Variants in MYOM2 observed in about 807,000 individuals in gnomAD.
MYOM2 encodes the protein myomesin-2.
Under a neutral mutation model 187.6 loss-of-function variants are expected in MYOM2, and 254 were observed. The observed-to-expected ratio is 1.35, with a 90% confidence interval of 1.22 to 1.50. The LOEUF is 1.50. MYOM2 is among the 40% of genes most tolerant of loss of function. The pLI is 0.00. For synonymous variants in MYOM2, 981 were observed against 753.8 expected (o/e 1.30, Z -4.94); for missense variants, 2,796 against 1,924.0 (o/e 1.45, Z -8.48).
At chr8:2,128,977 A>G (rs1459859063) in intron 31 of MYOM2, 150 bp from the exon 32 acceptor site, 4 of 570,220 alleles carry the variant, frequency 7.0e-6, no homozygotes, top group South Asian at 4.5e-5. Flanking sequence ...GGAATAAAGT[A>G]TAAGAATTTG....
intron 3 of MYOM2, among the ~76,000 whole-genome samples, chr8:2,056,879 C>T (rs945847448): frequency 6.6e-6 from 1 of 152,180 alleles, no homozygotes; most frequent in African/African-American, 2.4e-5. Flanking sequence ...CCGAGTTGCC[C>T]TGTCTTTACT....
chr8:2,085,569 C>CCA lies in MYOM2; in HGVS notation c.1644+180_1644+181insAC, dbSNP rs1166249438. Among the ~76,000 whole-genome samples, 8 of 25,822 alleles carry CCA rather than the reference C, an allele frequency of 3.1e-4. 3 individuals are homozygous for CCA. Among genetic ancestry groups the CCA allele is most frequent in the Non-Finnish European group, 4.4e-4 (7 of 15,872 alleles). The allele number at this position is 25,822 out of a possible 152,430, so 16.9% of individuals were successfully genotyped here. A position where few individuals can be genotyped will look rare whatever the true frequency, so the allele number is the denominator to read the frequency against. ...CCCACTGTCATGATCTCTGCGTGGC[C>CCA]CCACTGTTGTGATCTCTGCGTGGCC... On this transcript the variant is annotated intron_variant, in intron 14 of 36. Coordinates refer to ENST00000262113, the MANE Select transcript of MYOM2 (RefSeq NM_003970.4).
intron 19 of MYOM2, among the ~76,000 whole-genome samples, chr8:2,099,341 C>G (rs1180439409): frequency 2.0e-5 from 3 of 152,164 alleles, no homozygotes; most frequent in Non-Finnish European, 1.5e-5. Context: ...AAGGAGCAGG[C>G]AGAGAGGGTC....
chr8:2,072,776 C>G (rs1563431172), intron 9 of MYOM2, among the ~76,000 whole-genome samples: 1 of 152,178 alleles, frequency 6.6e-6, no homozygotes, highest in Admixed American at 6.5e-5. Context: ...TGATCTCGTG[C>G]CATTTAGATT....
intron 32 of MYOM2, among the ~76,000 whole-genome samples, chr8:2,138,161 C>T (rs1798146233): frequency 6.6e-6 from 1 of 152,206 alleles, no homozygotes; most frequent in Non-Finnish European, 1.5e-5. Flanking sequence ...GCTCACCTGC[C>T]CTCAGACACA....
chr8:2,117,315 G>A (rs538096218), intron 27 of MYOM2, among the ~76,000 whole-genome samples: 1 of 152,130 alleles, frequency 6.6e-6, no homozygotes, highest in Non-Finnish European at 1.5e-5. Flanking sequence ...AATGGCAAAA[G>A]GGTATTAGTG....
chr8:2,096,544 G>C (rs1796493467), intron 18 of MYOM2, 110 bp downstream of exon 18: 1 of 1,010,934 alleles, frequency 9.9e-7, no homozygotes, highest in Non-Finnish European at 1.4e-6. Context: ...ACACAAAAAT[G>C]GATTAAAAAA....
chr8:2,137,195 C>G (rs1798108439), intron 32 of MYOM2, among the ~76,000 whole-genome samples: 3 of 151,598 alleles, frequency 2.0e-5, no homozygotes, highest in Admixed American at 2.0e-4. Flanking sequence ...TAATGGTGAT[C>G]AAGAAAACAT....
chr8:2,065,943 G>C lies in MYOM2; in HGVS notation c.654-3335G>C, dbSNP rs114244859. Among the ~76,000 whole-genome samples, 265 of 152,348 alleles carry C rather than the reference G, an allele frequency of 1.7e-3. 1 individual carries two copies. The highest frequency in any genetic ancestry group is 6.1e-3 in the African/African-American group (253 of 41,582). ...GCAGCACACGGGGGAGATTCCAGTT[G>C]AGAGCCGTGGGGCGCAGTGTGAACG... On this transcript the variant is annotated intron_variant, in intron 6 of 36. Transcript: ENST00000262113.
At chr8:2,087,022 A>G (rs888574322) in intron 14 of MYOM2, among the ~76,000 whole-genome samples, 2 of 152,108 alleles carry the variant, frequency 1.3e-5, no homozygotes, top group African/African-American at 2.4e-5. Flanking sequence ...TATGTAACCT[A>G]CAGAATTTCA....
rs140876932 is a variant in MYOM2 at position 2,076,221 on chromosome 8, G to A, written c.1201G>A (p.Val401Met). The stretch of plus-strand genomic sequence containing the variant: ...CGACGCCAACCGGGACTACGTCATC[G>A]TGACCTGGAAGCCGCCCAACACCAC... ...CHDANRDYVI[V>M]TWKPPNTTTE... Residue 401 changes from valine (V) to methionine (M), a missense_variant, in exon 11 of 37, where the codon GTG (valine) becomes ATG (methionine). Physicochemically the swap from Val to Met is conservative, Grantham distance 21 (BLOSUM62 1). Transcript: ENST00000262113. The A allele has an allele frequency of 5.3e-5, 86 of 1,613,668 alleles. 1 individual carries two copies. In the African/African-American group the frequency reaches 1.0e-3, roughly 19 times the overall value.
At chr8:2,074,846 T>A (rs1324958490) in intron 10 of MYOM2, among the ~76,000 whole-genome samples, 1 of 152,182 alleles carries the variant, frequency 6.6e-6, no homozygotes, top group Non-Finnish European at 1.5e-5. Flanking sequence ...AGGGGCAGCC[T>A]CCTTGCTGAG....
intron 2 of MYOM2, among the ~76,000 whole-genome samples, chr8:2,051,760 C>T (rs751769633): frequency 1.3e-5 from 2 of 152,116 alleles, no homozygotes; most frequent in African/African-American, 2.4e-5. Context: ...CACCCCAGGG[C>T]GGGCATGTGC....
At chr8:2,063,506 T>C (rs1818916321) in intron 6 of MYOM2, among the ~76,000 whole-genome samples, 1 of 152,264 alleles carries the variant, frequency 6.6e-6, no homozygotes, top group Non-Finnish European at 1.5e-5. Context: ...AATATGATGT[T>C]CTCATATTTT....
At chr8:2,064,790 C>A (rs563378066) in intron 6 of MYOM2, among the ~76,000 whole-genome samples, 18 of 152,298 alleles carry the variant, frequency 1.2e-4, no homozygotes, top group African/African-American at 3.4e-4. Context: ...TCCCCCTCCT[C>A]CTTCTCCTCT....
chr8:2,114,689 C>T (rs1416807599), intron 25 of MYOM2, among the ~76,000 whole-genome samples: 3 of 152,290 alleles, frequency 2.0e-5, no homozygotes, highest in South Asian at 2.1e-4. Flanking sequence ...AAGCTGGTCT[C>T]GAACTCCCCA....
intron 10 of MYOM2, among the ~76,000 whole-genome samples, chr8:2,074,679 T>G (rs1220414919): frequency 6.6e-6 from 1 of 152,132 alleles, no homozygotes; most frequent in Non-Finnish European, 1.5e-5. Context: ...GGTCTCGAAC[T>G]CTTGATCATA....
At chr8:2,106,154 C>T (rs1203033348) in intron 21 of MYOM2, 88 bp from the exon 22 acceptor site, 111 of 1,374,324 alleles carry the variant, frequency 8.1e-5, no homozygotes, top group Non-Finnish European at 1.0e-4. Context: ...GGTGTGGACG[C>T]GGAGCCAAAC....
chr8:2,071,185 C>T (rs1014480287), intron 8 of MYOM2, among the ~76,000 whole-genome samples: 5 of 151,542 alleles, frequency 3.3e-5, no homozygotes, highest in East Asian at 1.9e-4. Context: ...TGTAGAGATG[C>T]GGTTTCACCA....
Sources: allele counts gnomAD v4.1 joint callset (sites outside exome capture counted in the v4.1 genomes callset), GRCh38; gene constraint gnomAD v4.1.1; transcripts MANE v1.5; gene names NCBI Gene and HGNC (gene_info 2026-07-23, HGNC 2026-07-21).